ITPR2: variants seen among roughly 807,000 people sequenced by gnomAD.
The protein encoded by ITPR2 is inositol 1,4,5-trisphosphate-gated calcium channel ITPR2.
Under a neutral mutation model 317.1 loss-of-function variants are expected in ITPR2, and 207 were observed. The observed-to-expected ratio is 0.65, with a 90% CI of 0.58 to 0.73. ITPR2 has a LOEUF of 0.73. Ranked by LOEUF, ITPR2 falls within the 30% of genes least tolerant of loss-of-function variation. ITPR2 has a pLI of 0.00. For synonymous variants in ITPR2, 1,156 were observed against 1,149.1 expected, an observed-to-expected ratio of 1.01 and a Z score of -0.12; for missense variants, 2,613 against 3,284.0, an observed-to-expected ratio of 0.80 and a Z score of 4.99.
In ITPR2 at chr12:26,604,316, C is replaced by G. The variant is rs75621833; in HGVS notation, c.3463-1610G>C. 4.7e-3 allele frequency among the ~76,000 whole-genome samples: 716 copies of G among 152,112 alleles called. 5 individuals carry two copies. The highest frequency in any genetic ancestry group is 0.016 in the African/African-American group (672 of 41,506). On this transcript the variant is annotated intron_variant, in intron 26 of 56. Coordinates refer to ENST00000381340, the MANE Select transcript of ITPR2 (RefSeq NM_002223.4). ...TCTCAACTTCACTTTAACAAGTGAC[C>G]CCCTCCTCCCATTTTACTGTATAGA... is the stretch of plus-strand genomic sequence containing the variant.
chr12:26,737,701 C>T (rs1315141712), intron 2 of ITPR2, among the ~76,000 whole-genome samples: 1 of 151,936 alleles, frequency 6.6e-6, no homozygotes, highest in African/African-American at 2.4e-5. Context: ...CTCGGTATTA[C>T]AGAAACCGGA....
chr12:26,699,904 AT>A (rs1948415341), intron 9 of ITPR2, among the ~76,000 whole-genome samples: 1 of 152,200 alleles, frequency 6.6e-6, no homozygotes, highest in East Asian at 1.9e-4. Context: ...TTAGGACTTA[AT>A]GTCTTTATGT....
At chr12:26,586,883 T>C (rs186209662) in intron 32 of ITPR2, among the ~76,000 whole-genome samples, 250 of 152,296 alleles carry the variant, frequency 1.6e-3, no homozygotes, top group Middle Eastern at 6.8e-3. Flanking sequence ...CCTTTCTCTA[T>C]AGTAATTGTC....
At chr12:26,392,889 T>C (rs1939890187) in intron 54 of ITPR2, among the ~76,000 whole-genome samples, 1 of 152,212 alleles carries the variant, frequency 6.6e-6, no homozygotes, top group Non-Finnish European at 1.5e-5. Flanking sequence ...TCTTTCGACA[T>C]CTCTTTCTTA....
intron 55 of ITPR2, among the ~76,000 whole-genome samples, chr12:26,364,169 T>C (rs1938930291): frequency 6.6e-6 from 1 of 152,238 alleles, no homozygotes; most frequent in Admixed American, 6.5e-5. Context: ...CATTTAAGAT[T>C]TGATTTTATT....
intron 31 of ITPR2, 110 bp from the exon 32 acceptor site, chr12:26,595,700 G>T: frequency 1.2e-6 from 1 of 862,428 alleles, no homozygotes; most frequent in Non-Finnish European, 1.7e-6. Context: ...GTAGATCATA[G>T]CATAGTTTTG....
intron 2 of ITPR2, among the ~76,000 whole-genome samples, chr12:26,777,012 G>C (rs1233945660): frequency 6.6e-6 from 1 of 152,184 alleles, no homozygotes; most frequent in Admixed American, 6.5e-5. Context: ...TAAGGGTATG[G>C]AATAATGGTG....
At chr12:26,553,529 G>A (rs1944581748) in intron 36 of ITPR2, among the ~76,000 whole-genome samples, 1 of 151,420 alleles carries the variant, frequency 6.6e-6, no homozygotes, top group South Asian at 2.1e-4. Context: ...GCTCACGCCT[G>A]TAATCCCAGC....
At chr12:26,440,140 A>G (rs529955120) in intron 46 of ITPR2, among the ~76,000 whole-genome samples, 31 of 152,166 alleles carry the variant, frequency 2.0e-4, no homozygotes, top group Non-Finnish European at 4.1e-4. Flanking sequence ...AGTGAGGCAT[A>G]AAGAGAAATA....
At position 26,622,415 on chromosome 12, in the gene ITPR2, C is replaced by G; in HGVS notation, c.3123-10G>C. 4.4e-6 allele frequency: 7 copies of G among 1,588,178 alleles called. No individual in the cohort carries two copies. The highest frequency in any genetic ancestry group is 6.0e-6 in the Non-Finnish European group (7 of 1,168,320). ...TGGATTTTTTTCTTTTCTATAAAAC[C>G]AAAAACATTTCTAAAGTGACTCCTA... On this transcript the variant is annotated splice_polypyrimidine_tract_variant and intron_variant, in intron 24 of 56. Transcript: ENST00000381340.
intron 37 of ITPR2, among the ~76,000 whole-genome samples, chr12:26,506,520 C>CAAAAA (rs11362827): frequency 1.1e-5 from 1 of 87,532 alleles, no homozygotes; most frequent in East Asian, 3.4e-4. Context: ...AATCCTGTCT[C>CAAAAA]AAAAAAAAAA....
chr12:26,350,172 C>T (rs771699129), intron 55 of ITPR2, among the ~76,000 whole-genome samples: 3 of 152,050 alleles, frequency 2.0e-5, no homozygotes, highest in East Asian at 1.9e-4. Context: ...TTTAGGGAGG[C>T]GGAGGGAAGC....
chr12:26,517,429 C>T (rs1431488719), intron 37 of ITPR2, among the ~76,000 whole-genome samples: 1 of 152,088 alleles, frequency 6.6e-6, no homozygotes, highest in Non-Finnish European at 1.5e-5. Flanking sequence ...TACATGTGGC[C>T]AACAAGCATA....
intron 54 of ITPR2, among the ~76,000 whole-genome samples, chr12:26,398,225 C>T (rs1940066642): frequency 1.3e-5 from 2 of 152,146 alleles, no homozygotes; most frequent in African/African-American, 4.8e-5. Flanking sequence ...GAGTTCGAGA[C>T]CAGCCTGGCC....
At chr12:26,779,992 G>A (rs1340251473) in intron 2 of ITPR2, among the ~76,000 whole-genome samples, 2 of 152,240 alleles carry the variant, frequency 1.3e-5, no homozygotes, top group Non-Finnish European at 2.9e-5. Context: ...GACCTCAGCA[G>A]AGGAGGATTT....
intron 55 of ITPR2, among the ~76,000 whole-genome samples, chr12:26,362,225 C>T (rs1413589977): frequency 6.6e-6 from 1 of 152,170 alleles, no homozygotes; most frequent in East Asian, 1.9e-4. Flanking sequence ...GTCACCTGCC[C>T]TAGTTCAACC....
intron 45 of ITPR2, among the ~76,000 whole-genome samples, chr12:26,447,464 T>A (rs943381030): frequency 2.6e-5 from 4 of 152,032 alleles, no homozygotes; most frequent in African/African-American, 7.2e-5. Flanking sequence ...TTCACATTTA[T>A]CTTTTTACCG....
chr12:26,510,552 C>A (rs1943316516), intron 37 of ITPR2, among the ~76,000 whole-genome samples: 1 of 152,226 alleles, frequency 6.6e-6, no homozygotes, highest in African/African-American at 2.4e-5. Flanking sequence ...ATCACTTCCA[C>A]TGTTAAGCAG....
chr12:26,611,306 G>A (rs1946260793), intron 26 of ITPR2, among the ~76,000 whole-genome samples: 1 of 152,174 alleles, frequency 6.6e-6, no homozygotes, highest in South Asian at 2.1e-4. Flanking sequence ...ACATTTTTTA[G>A]TTAATTCTGT....
Sources: gnomAD v4.1 joint callset for allele counts (sites outside exome capture counted in the v4.1 genomes callset) on GRCh38, gnomAD v4.1.1 for gene constraint, MANE v1.5 for transcripts, NCBI Gene and HGNC (gene_info 2026-07-23, HGNC 2026-07-21) for gene names.